The following KAZN variants were observed in gnomAD, a reference collection of about 807,000 sequenced individuals.
KAZN encodes the protein kazrin, periplakin interacting protein.
A neutral mutation model predicts 87.4 loss-of-function variants in KAZN; 40 were observed. The ratio of observed to expected loss-of-function variants is 0.46; its 90% CI spans 0.36 to 0.60. KAZN has a LOEUF of 0.60. Ranked by LOEUF, KAZN falls within the 20% of genes least tolerant of loss-of-function variation. The pLI is 0.00. For missense variants in KAZN, 898 were observed against 1,073.9 expected (o/e 0.84, Z 2.29); for synonymous variants, 466 against 458.3 (o/e 1.02, Z -0.22).
intron 2 of KAZN, among the ~76,000 whole-genome samples, chr1:14,588,105 A>G (rs1218549757): frequency 6.6e-6 from 1 of 152,134 alleles, no homozygotes; most frequent in Non-Finnish European, 1.5e-5. Context: ...TCCTCTCTGT[A>G]AAACGGGGAT....
chr1:14,347,748 G>C (rs1439226768), intron 2 of KAZN, among the ~76,000 whole-genome samples: 2 of 152,116 alleles, frequency 1.3e-5, no homozygotes, highest in African/African-American at 4.8e-5. Flanking sequence ...GTGTGTGTGA[G>C]TGTATGACTC....
At chr1:14,381,682 A>G (rs750719665) in intron 2 of KAZN, among the ~76,000 whole-genome samples, 1 of 152,214 alleles carries the variant, frequency 6.6e-6, no homozygotes, top group Non-Finnish European at 1.5e-5. Flanking sequence ...AACACAACAT[A>G]ATAAAAGCCA....
chr1:14,293,579 CT>C (rs1341087099), intron 2 of KAZN, among the ~76,000 whole-genome samples: 1 of 152,052 alleles, frequency 6.6e-6, no homozygotes, highest in Non-Finnish European at 1.5e-5. Context: ...CTCTGAGCCC[CT>C]GGTCTTGGTC....
intron 1 of KAZN, among the ~76,000 whole-genome samples, chr1:14,158,283 A>G (rs1262559357): frequency 1.3e-5 from 2 of 151,738 alleles, no homozygotes; most frequent in Non-Finnish European, 2.9e-5. Flanking sequence ...GGTGTGCTTC[A>G]TTGTTTTTTA....
At chr1:13,946,774 C>CAGA (rs879797665) in intron 1 of KAZN, among the ~76,000 whole-genome samples, 14,717 of 152,204 alleles carry the variant, frequency 0.097, 785 homozygotes, top group Middle Eastern at 0.15. Flanking sequence ...CGTAACCCTA[C>CAGA]TTCCTAGCAC....
intron 2 of KAZN, among the ~76,000 whole-genome samples, chr1:14,354,709 ATGT>A (rs1190688044): frequency 1.1e-4 from 16 of 151,308 alleles, no homozygotes; most frequent in African/African-American, 3.9e-4. Context: ...ACAATGCCAA[ATGT>A]TGGCAAGGAC....
intron 1 of KAZN, among the ~76,000 whole-genome samples, chr1:13,933,010 C>T (rs1640585066): frequency 6.6e-6 from 1 of 152,172 alleles, no homozygotes; most frequent in African/African-American, 2.4e-5. Flanking sequence ...TCATCCTATT[C>T]CCTATTTCCC....
intron 1 of KAZN, among the ~76,000 whole-genome samples, chr1:14,680,630 A>G (rs1241356765): frequency 6.6e-6 from 1 of 151,978 alleles, no homozygotes; most frequent in African/African-American, 2.4e-5. Flanking sequence ...AACTCCCAAC[A>G]GGCCCCGGTG....
intron 2 of KAZN, among the ~76,000 whole-genome samples, chr1:14,370,723 A>G (rs4661487): frequency 0.93 from 141,251 of 152,262 alleles, 65,733 homozygotes; most frequent in Middle Eastern, 0.97. Flanking sequence ...ACACTGTCTC[A>G]CTTTGTCACC....
chr1:14,489,245 C>T (rs998935417), intron 2 of KAZN, among the ~76,000 whole-genome samples: 3 of 151,020 alleles, frequency 2.0e-5, no homozygotes, highest in Non-Finnish European at 2.9e-5. Flanking sequence ...GAGATAATCA[C>T]GGGTAACATT....
intron 1 of KAZN, among the ~76,000 whole-genome samples, chr1:14,818,548 T>G (rs370939302): frequency 2.0e-5 from 3 of 152,196 alleles, no homozygotes. Flanking sequence ...AGCTGCAGCT[T>G]TGAGTTTGAG....
At chr1:15,050,712 C>T (rs1674302735) in intron 4 of KAZN, among the ~76,000 whole-genome samples, 1 of 152,182 alleles carries the variant, frequency 6.6e-6, no homozygotes. Context: ...GGTCTGAACC[C>T]AGAGTGGTGG....
In KAZN at chr1:14,785,504, A is replaced by T. The variant is rs375693085; in HGVS notation, c.227-175180A>T. Among the ~76,000 whole-genome samples, 7 of 151,958 alleles carry T rather than the reference A, an allele frequency of 4.6e-5. No homozygotes were observed. In the East Asian group the frequency reaches 1.2e-3, roughly 25 times the overall value. On this transcript the variant is annotated intron_variant, in intron 1 of 14. Coordinates refer to ENST00000376030, the MANE Select transcript of KAZN (RefSeq NM_201628.3). Reference sequence around the variant, plus strand: ...TCCTCTGGCGCTGTAGAAAATTGCTACACCTCCTCCGCGGGAGCTTCATGT... The same window carrying T: ...TCCTCTGGCGCTGTAGAAAATTGCTTCACCTCCTCCGCGGGAGCTTCATGT...
intron 1 of KAZN, among the ~76,000 whole-genome samples, chr1:14,179,718 G>A (rs1442890029): frequency 6.6e-6 from 1 of 152,196 alleles, no homozygotes; most frequent in Non-Finnish European, 1.5e-5. Context: ...TATTTATTAA[G>A]CACCTTCCAT....
At chr1:14,709,300 T>C (rs1404142263) in intron 1 of KAZN, among the ~76,000 whole-genome samples, 1 of 152,240 alleles carries the variant, frequency 6.6e-6, no homozygotes, top group Non-Finnish European at 1.5e-5. Context: ...AAAATGTTTG[T>C]CTTTCCAGTT....
chr1:14,330,194 G>A (rs932980603), intron 2 of KAZN, among the ~76,000 whole-genome samples: 5 of 152,078 alleles, frequency 3.3e-5, no homozygotes, highest in African/African-American at 1.2e-4. Context: ...ATTTTGTTGG[G>A]GTTTTTTTGC....
At chr1:14,758,725 T>C (rs1644649061) in intron 1 of KAZN, among the ~76,000 whole-genome samples, 1 of 152,092 alleles carries the variant, frequency 6.6e-6, no homozygotes, top group African/African-American at 2.4e-5. Flanking sequence ...ACCTCTCTGC[T>C]CTCCCAATGC....
Position 14,930,087 on chromosome 1 carries a change from C to T in KAZN, c.227-30597C>T, listed in dbSNP as rs894635306. The T allele has an allele frequency of 1.0e-5, 10 of 985,368 alleles. No individual in the cohort carries two copies. The African/African-American group carries it at 1.7e-4, about 17-fold the overall frequency. The allele number at this position is 985,368 out of a possible 1,614,324, so 61.0% of individuals were successfully genotyped here. On this transcript the variant is annotated intron_variant, in intron 1 of 14. Coordinates refer to ENST00000376030, the MANE Select transcript of KAZN (RefSeq NM_201628.3). ...GCTGTCCCAGCCCTGAACTGGCTGA[C>T]ACTGAGTCTGGCCTAAGCAGCGGGG...
At chr1:14,289,222 G>A (rs888660529) in intron 2 of KAZN, among the ~76,000 whole-genome samples, 1 of 152,164 alleles carries the variant, frequency 6.6e-6, no homozygotes, top group Non-Finnish European at 1.5e-5. Context: ...CTGGGTTCAA[G>A]TCCTGGATAT....
Sources: allele counts gnomAD v4.1 joint callset (sites outside exome capture counted in the v4.1 genomes callset), GRCh38; gene constraint gnomAD v4.1.1; transcripts MANE v1.5; gene names NCBI Gene and HGNC (gene_info 2026-07-23, HGNC 2026-07-21).